Variants in ZNF469 observed in about 807,000 individuals in gnomAD.
ZNF469 encodes the protein zinc finger protein 469.
ZNF469 carries 1 observed loss-of-function variant against 1.0 expected under a neutral mutation model. The observed-to-expected ratio is 1.00, with a 90% CI of 0.35 to 4.73. ZNF469 has a LOEUF of 4.73. ZNF469 is among the 30% of genes most tolerant of loss of function. ZNF469 has a pLI of 0.16. For missense variants in ZNF469, 6,100 were observed against 5,356.3 expected, an observed-to-expected ratio of 1.14 and a Z score of -4.33; for synonymous variants, 2,703 against 2,363.4, an observed-to-expected ratio of 1.14 and a Z score of -4.17.
chr16:88,113,775 C>T, the ZNF469 span, among the ~76,000 whole-genome samples: 41 of 152,316 alleles, frequency 2.7e-4, no homozygotes, highest in African/African-American at 8.9e-4. Flanking sequence ...TTCACCGACA[C>T]GGCTGGTTTG....
the ZNF469 span, among the ~76,000 whole-genome samples, chr16:88,174,421 C>G: frequency 6.6e-5 from 10 of 151,858 alleles, 1 homozygote; most frequent in African/African-American, 2.4e-4. Flanking sequence ...ACCCCTGTAT[C>G]AGATCAGTCA....
the ZNF469 span, among the ~76,000 whole-genome samples, chr16:88,318,507 C>A: frequency 6.6e-6 from 1 of 151,766 alleles, no homozygotes; most frequent in African/African-American, 2.4e-5. Flanking sequence ...ATTCTCCCCC[C>A]AGCCCTTTAG....
the ZNF469 span, among the ~76,000 whole-genome samples, chr16:88,135,125 G>T: frequency 6.6e-6 from 1 of 152,242 alleles, no homozygotes; most frequent in Non-Finnish European, 1.5e-5. Flanking sequence ...CTCCCTGCTG[G>T]CGTCTGGAAC....
intron 1 of ZNF469, among the ~76,000 whole-genome samples, chr16:88,389,107 C>T (rs1165336804): frequency 6.6e-6 from 1 of 152,260 alleles, no homozygotes; most frequent in Non-Finnish European, 1.5e-5. Context: ...AACATCACCA[C>T]CATCTAGTTC....
chr16:88,300,938 G>A, the ZNF469 span, among the ~76,000 whole-genome samples: 1 of 152,042 alleles, frequency 6.6e-6, no homozygotes, highest in Non-Finnish European at 1.5e-5. Flanking sequence ...GGGGGCAGGT[G>A]CCTGTAATCC....
chr16:88,239,695 A>T, the ZNF469 span, among the ~76,000 whole-genome samples: 4 of 5,714 alleles, frequency 7.0e-4, no homozygotes, highest in African/African-American at 2.5e-3. Flanking sequence ...ATATATATAT[A>T]TATATATATA....
At chr16:88,252,287 G>A in the ZNF469 span, among the ~76,000 whole-genome samples, 3 of 149,254 alleles carry the variant, frequency 2.0e-5, no homozygotes, top group Admixed American at 1.4e-4. Context: ...CTCACCCTGG[G>A]TGTGGAGTTT....
chr16:88,165,524 C>A, the ZNF469 span, among the ~76,000 whole-genome samples: 1 of 152,172 alleles, frequency 6.6e-6, no homozygotes, highest in East Asian at 1.9e-4. Flanking sequence ...CCTGGATTCT[C>A]GGATGTGAAG....
At chr16:88,111,135 A>T in the ZNF469 span, among the ~76,000 whole-genome samples, 1 of 152,258 alleles carries the variant, frequency 6.6e-6, no homozygotes, top group African/African-American at 2.4e-5. Context: ...CCCATGTCAA[A>T]CCATTTCCTG....
At chr16:88,166,949 C>T in the ZNF469 span, among the ~76,000 whole-genome samples, 25 of 151,584 alleles carry the variant, frequency 1.6e-4, no homozygotes, top group African/African-American at 5.8e-4. This position sits in a 1 kb window ranked among gnomAD's most constrained non-coding sequence, Gnocchi z 4.5. Context: ...TAGGGGCTGG[C>T]GAGCTCACGG....
At chr16:88,373,567 C>G in the ZNF469 span, among the ~76,000 whole-genome samples, 1 of 152,210 alleles carries the variant, frequency 6.6e-6, no homozygotes, top group Non-Finnish European at 1.5e-5. Flanking sequence ...AGTGAAAAGC[C>G]TGGACCAGAC....
chr16:88,270,889 T>C, the ZNF469 span, among the ~76,000 whole-genome samples: 8 of 152,252 alleles, frequency 5.3e-5, no homozygotes, highest in Admixed American at 2.0e-4. Context: ...CATTTATTCA[T>C]TCATTCATTC....
chr16:88,433,237 C>G lies in ZNF469; in HGVS notation c.5767C>G (p.Gln1923Glu). ...GAGTAAAGATGGCATCCTGGGCTTGCAGGAGCTGACACCTGCTGCCCAGAG... is the reference window on the plus strand; with the variant it reads ...GAGTAAAGATGGCATCCTGGGCTTGGAGGAGCTGACACCTGCTGCCCAGAG... Reference protein sequence around the residue: ...AKSKDGILGLQELTPAAQSPP... With the variant: ...AKSKDGILGLEELTPAAQSPP... Residue 1923 changes from glutamine to glutamate, a missense_variant, in exon 3 of 3, where the codon CAG becomes GAG. By Grantham distance (29) the Gln-to-Glu change is conservative. Coordinates refer to ENST00000565624, the MANE Select transcript of ZNF469 (RefSeq NM_001367624.2). 6.5e-7 allele frequency: 1 copy of G among 1,550,260 alleles called. No homozygotes were observed. The highest frequency in any genetic ancestry group is 8.7e-7 in the Non-Finnish European group (1 of 1,146,928).
intron 1 of ZNF469, among the ~76,000 whole-genome samples, chr16:88,407,412 C>A (rs997145638): frequency 6.6e-6 from 1 of 152,268 alleles, no homozygotes; most frequent in African/African-American, 2.4e-5. Context: ...GGCGGACCCT[C>A]ATCAGCGTCA....
the ZNF469 span, among the ~76,000 whole-genome samples, chr16:88,160,885 G>A: frequency 2.6e-5 from 4 of 152,366 alleles, no homozygotes; most frequent in Admixed American, 2.0e-4. Context: ...GCTCACACCT[G>A]TAATCCCAGC....
At chr16:88,151,114 T>C in the ZNF469 span, among the ~76,000 whole-genome samples, 34,575 of 152,152 alleles carry the variant, frequency 0.23, 4,562 homozygotes, top group East Asian at 0.52. The surrounding 1 kb of genome is among the most constrained non-coding windows in gnomAD (Gnocchi z 5.4). Flanking sequence ...GGGACCTCAG[T>C]GAGCTCCTCT....
At chr16:88,335,422 G>T in the ZNF469 span, among the ~76,000 whole-genome samples, 4 of 152,354 alleles carry the variant, frequency 2.6e-5, no homozygotes, top group Admixed American at 6.5e-5. Context: ...CTTCCAGGGC[G>T]GCCTTACTTC....
chr16:88,173,605 A>G, the ZNF469 span, among the ~76,000 whole-genome samples: 3 of 152,210 alleles, frequency 2.0e-5, no homozygotes, highest in Non-Finnish European at 4.4e-5. Context: ...AGATAAACGC[A>G]TTTTCCTCAA....
chr16:88,279,468 A>C, the ZNF469 span, among the ~76,000 whole-genome samples: 1 of 147,946 alleles, frequency 6.8e-6, no homozygotes, highest in Non-Finnish European at 1.5e-5. Flanking sequence ...TGTCACGCCG[A>C]CGCTCGGTCA....
Sources: allele counts gnomAD v4.1 joint callset (sites outside exome capture counted in the v4.1 genomes callset), GRCh38; gene constraint gnomAD v4.1.1; non-coding constraint Gnocchi (gnomAD v3.1); transcripts MANE v1.5; gene names NCBI Gene and HGNC (gene_info 2026-07-23, HGNC 2026-07-21).